SGCZ: variants seen among roughly 807,000 people sequenced by gnomAD.
SGCZ encodes the protein sarcoglycan zeta, also known as zeta-sarcoglycan.
In SGCZ, 40 loss-of-function variants were observed where a neutral mutation model predicts 41.3. The ratio of observed to expected loss-of-function variants is 0.97; its 90% CI spans 0.75 to 1.26. The LOEUF is 1.26. Among genes scored for constraint, SGCZ ranks in the 50% most tolerant of loss-of-function variants. The pLI is 0.00. For synonymous variants in SGCZ, 206 were observed against 137.5 expected, an observed-to-expected ratio of 1.50 and a Z score of -3.49; for missense variants, 552 against 369.8, an observed-to-expected ratio of 1.49 and a Z score of -4.04.
chr8:14,632,979 A>G (rs1806708981), intron 1 of SGCZ, among the ~76,000 whole-genome samples: 1 of 151,832 alleles, frequency 6.6e-6, no homozygotes, highest in African/African-American at 2.4e-5. Context: ...AGTGAATTAT[A>G]TATATATATT....
intron 1 of SGCZ, among the ~76,000 whole-genome samples, chr8:15,080,532 T>A (rs1805703091): frequency 1.3e-5 from 2 of 152,096 alleles, no homozygotes; most frequent in Admixed American, 1.3e-4. Context: ...AGATGGAGCC[T>A]TTAAAGAGGT....
intron 4 of SGCZ, among the ~76,000 whole-genome samples, chr8:14,203,803 C>A (rs1271551003): frequency 1.3e-5 from 2 of 152,040 alleles, no homozygotes; most frequent in African/African-American, 2.4e-5. Flanking sequence ...ACTATTGAAA[C>A]ATACAGTAGG....
chr8:14,228,589 T>C (rs1806454077), intron 4 of SGCZ, among the ~76,000 whole-genome samples: 1 of 152,064 alleles, frequency 6.6e-6, no homozygotes, highest in Admixed American at 6.6e-5. Flanking sequence ...AAATAATTAG[T>C]CTGTGCATTA....
intron 2 of SGCZ, among the ~76,000 whole-genome samples, chr8:14,437,214 G>A (rs1800118602): frequency 1.3e-5 from 2 of 152,046 alleles, no homozygotes; most frequent in Non-Finnish European, 2.9e-5. Flanking sequence ...CAATGGATCT[G>A]GCAGAAAAGC....
intron 1 of SGCZ, among the ~76,000 whole-genome samples, chr8:15,097,740 ATATATATATACACGTATATATGTGTT>A (rs1806402109): frequency 2.5e-5 from 3 of 119,358 alleles, no homozygotes; most frequent in African/African-American, 8.9e-5. Context: ...AAAAAAATAT[ATATATATATACACGTATATATGTGTT>A]TATATATATA....
intron 5 of SGCZ, among the ~76,000 whole-genome samples, chr8:14,108,621 T>TCCC (rs1471577997): frequency 6.6e-6 from 1 of 151,796 alleles, no homozygotes; most frequent in African/African-American, 2.4e-5. Context: ...TCAAATTATC[T>TCCC]CCCACCAGGT....
chr8:14,102,007 C>T (rs934116974), intron 7 of SGCZ, among the ~76,000 whole-genome samples: 8 of 150,412 alleles, frequency 5.3e-5, no homozygotes, highest in African/African-American at 9.8e-5. Context: ...AATGGGTTGA[C>T]GACATTCTCC....
chr8:14,834,072 T>C (rs1585303399), intron 1 of SGCZ, among the ~76,000 whole-genome samples: 1 of 152,296 alleles, frequency 6.6e-6, no homozygotes, highest in African/African-American at 2.4e-5. Context: ...AGCATTGCAG[T>C]AAGGCTGAAT....
chr8:15,187,764 C>T lies in SGCZ; in HGVS notation c.39+49821G>A, dbSNP rs189878733. Among the ~76,000 whole-genome samples, 275 of 151,974 alleles carry T rather than the reference C, an allele frequency of 1.8e-3. 1 individual carries two copies. Among genetic ancestry groups the T allele is most frequent in the African/African-American group, 6.1e-3 (252 of 41,520 alleles). On this transcript the variant is annotated intron_variant, in intron 1 of 7. Transcript: ENST00000382080. ...AAGGTTTTTTAAAAAATAAGCTCTTCGTGAGTTTGATTATGGACTATTATA... is the reference window on the plus strand; with the variant it reads ...AAGGTTTTTTAAAAAATAAGCTCTTTGTGAGTTTGATTATGGACTATTATA...
intron 5 of SGCZ, among the ~76,000 whole-genome samples, chr8:14,129,639 C>G (rs942584429): frequency 6.6e-6 from 1 of 151,510 alleles, no homozygotes; most frequent in Admixed American, 6.6e-5. Context: ...AACTTTATAC[C>G]TTGAAGAAGA....
At chr8:14,391,691 C>T (rs10503496) in intron 2 of SGCZ, among the ~76,000 whole-genome samples, 29,084 of 151,958 alleles carry the variant, frequency 0.19, 3,391 homozygotes, top group Non-Finnish European at 0.28. Flanking sequence ...GATATAGTGA[C>T]GAACGGGAGT....
At chr8:14,446,386 C>G (rs1356161650) in intron 2 of SGCZ, among the ~76,000 whole-genome samples, 3 of 152,168 alleles carry the variant, frequency 2.0e-5, no homozygotes, top group Admixed American at 2.0e-4. Flanking sequence ...AACTCCCAAT[C>G]TTCTCTTTGT....
intron 2 of SGCZ, among the ~76,000 whole-genome samples, chr8:14,475,103 T>C (rs1377289269): frequency 1.3e-5 from 2 of 152,220 alleles, no homozygotes; most frequent in African/African-American, 4.8e-5. Flanking sequence ...ACAAGTAGAT[T>C]CTGATACAGC....
At chr8:14,331,264 G>T (rs910905149) in intron 2 of SGCZ, among the ~76,000 whole-genome samples, 5 of 151,830 alleles carry the variant, frequency 3.3e-5, no homozygotes, top group Admixed American at 3.3e-4. Context: ...ACTTCATTTT[G>T]CTATTAATTT....
At chr8:14,974,133 A>G (rs370350954) in intron 1 of SGCZ, among the ~76,000 whole-genome samples, 2 of 152,190 alleles carry the variant, frequency 1.3e-5, no homozygotes, top group South Asian at 2.1e-4. Flanking sequence ...GAAACTGCCT[A>G]TAATTGTTGG....
At chr8:14,899,332 A>G (rs1216359205) in intron 1 of SGCZ, among the ~76,000 whole-genome samples, 1 of 152,050 alleles carries the variant, frequency 6.6e-6, no homozygotes, top group African/African-American at 2.4e-5. Flanking sequence ...CATCTGTCCA[A>G]TATTTGTACA....
At chr8:14,559,958 A>C (rs776275623) in intron 1 of SGCZ, among the ~76,000 whole-genome samples, 1 of 152,172 alleles carries the variant, frequency 6.6e-6, no homozygotes, top group African/African-American at 2.4e-5. Flanking sequence ...CATAAGTGTT[A>C]TAACAGATGA....
At chr8:14,505,823 A>G (rs553021057) in intron 2 of SGCZ, among the ~76,000 whole-genome samples, 1 of 152,176 alleles carries the variant, frequency 6.6e-6, no homozygotes, top group African/African-American at 2.4e-5. Flanking sequence ...ATAATGGTGA[A>G]CTTCTTAGGC....
At chr8:14,255,813 G>A (rs140799721) in intron 3 of SGCZ, among the ~76,000 whole-genome samples, 1 of 152,084 alleles carries the variant, frequency 6.6e-6, no homozygotes, top group East Asian at 1.9e-4. Context: ...GCATAAAAAT[G>A]TTACTTAATT....
Sources: gnomAD v4.1 joint callset for allele counts (sites outside exome capture counted in the v4.1 genomes callset) on GRCh38, gnomAD v4.1.1 for gene constraint, MANE v1.5 for transcripts, NCBI Gene and HGNC (gene_info 2026-07-23, HGNC 2026-07-21) for gene names.